FSTL4: variants seen among roughly 807,000 people sequenced by gnomAD.
FSTL4 encodes the protein follistatin like 4.
Under a neutral mutation model 78.2 loss-of-function variants are expected in FSTL4, and 28 were observed. The observed-to-expected ratio is 0.36, with a 90% CI of 0.27 to 0.49. FSTL4 has a LOEUF of 0.49. Ranked by LOEUF, FSTL4 falls within the 20% of genes least tolerant of loss-of-function variation. The pLI, the probability that FSTL4 is intolerant of heterozygous loss-of-function variation, is 0.98. For synonymous variants in FSTL4, 422 were observed against 440.5 expected (o/e 0.96, Z 0.53); for missense variants, 922 against 1,084.9 (o/e 0.85, Z 2.11).
At chr5:133,776,015 CCAGTAGCT>C in the FSTL4 span, among the ~76,000 whole-genome samples, 14 of 152,196 alleles carry the variant, frequency 9.2e-5, no homozygotes, top group Admixed American at 6.5e-4. Context: ...CCAATAAGAC[CCAGTAGCT>C]GATGAGACTC....
the FSTL4 span, among the ~76,000 whole-genome samples, chr5:133,752,539 G>A: frequency 9.9e-5 from 15 of 152,162 alleles, no homozygotes; most frequent in Non-Finnish European, 1.8e-4. Context: ...GAACCCGGGA[G>A]GCAGAGGTTG....
intron 3 of FSTL4, among the ~76,000 whole-genome samples, chr5:133,498,334 A>C (rs1758414977): frequency 6.6e-6 from 1 of 152,222 alleles, no homozygotes. Flanking sequence ...GAATTGCAAC[A>C]CAGAGGTGGA....
At chr5:133,523,140 C>T (rs1759018724) in intron 3 of FSTL4, among the ~76,000 whole-genome samples, 2 of 152,120 alleles carry the variant, frequency 1.3e-5, no homozygotes, top group African/African-American at 4.8e-5. Context: ...AGAAGAGACG[C>T]CAGCCGTCTC....
At chr5:133,379,473 A>G (rs145285107) in intron 4 of FSTL4, among the ~76,000 whole-genome samples, 15 of 152,240 alleles carry the variant, frequency 9.9e-5, no homozygotes, top group African/African-American at 3.1e-4. Flanking sequence ...TACATAGAAC[A>G]TTTTCCAGGA....
chr5:133,303,104 C>T (rs1753584502), intron 6 of FSTL4, among the ~76,000 whole-genome samples: 1 of 152,178 alleles, frequency 6.6e-6, no homozygotes, highest in South Asian at 2.1e-4. Context: ...ACTGTATAGC[C>T]CTGCTGCCGT....
intron 3 of FSTL4, among the ~76,000 whole-genome samples, chr5:133,410,173 C>T (rs1002783207): frequency 6.6e-6 from 1 of 152,188 alleles, no homozygotes; most frequent in Admixed American, 6.5e-5. Context: ...CGATTTCTGC[C>T]CTTGGGAGAG....
intron 4 of FSTL4, among the ~76,000 whole-genome samples, chr5:133,320,948 A>G (rs1235790990): frequency 6.8e-6 from 1 of 146,520 alleles, no homozygotes; most frequent in African/African-American, 2.5e-5. Context: ...CACAGCTTGC[A>G]GTGAGCCGAG....
At chr5:133,402,869 C>CA (rs1756267521) in intron 3 of FSTL4, among the ~76,000 whole-genome samples, 1 of 152,214 alleles carries the variant, frequency 6.6e-6, no homozygotes, top group African/African-American at 2.4e-5. Context: ...CGCATGTCAC[C>CA]ATGAAGGCCC....
intron 4 of FSTL4, among the ~76,000 whole-genome samples, chr5:133,394,707 C>T (rs930949119): frequency 4.6e-5 from 7 of 152,378 alleles, no homozygotes; most frequent in South Asian, 2.1e-4. Flanking sequence ...CACCAGGTCC[C>T]ATTGACCGCC....
At chr5:133,434,684 T>C (rs1475087291) in intron 3 of FSTL4, among the ~76,000 whole-genome samples, 1 of 152,182 alleles carries the variant, frequency 6.6e-6, no homozygotes, top group Non-Finnish European at 1.5e-5. Flanking sequence ...AATAAATAAG[T>C]ACTGCCAAAT....
chr5:133,663,824 T>C, the FSTL4 span, among the ~76,000 whole-genome samples: 2 of 152,160 alleles, frequency 1.3e-5, no homozygotes, highest in African/African-American at 4.8e-5. Context: ...ACCAGGGCCT[T>C]TGACAACTTG....
the FSTL4 span, among the ~76,000 whole-genome samples, chr5:133,814,461 T>C: frequency 6.6e-6 from 1 of 151,894 alleles, no homozygotes; most frequent in East Asian, 1.9e-4. Context: ...CAGCAGAGAG[T>C]GACACCACCC....
chr5:133,199,155 C>T lies in FSTL4; in HGVS notation c.2469G>A (p.Leu823=). Reference sequence around the variant, plus strand: ...CCTTTATACCTGACACCTCACACCGCAGCGTGTTTTGTCTCCCATTGATGA... The same window carrying T: ...CCTTTATACCTGACACCTCACACCGTAGCGTGTTTTGTCTCCCATTGATGA... ...LFLINGRQNT[L]RCEVSGIKGG... The change falls in exon 16 of 16, where the codon CTG becomes CTA. Residue 823 remains leucine (L), a synonymous_variant. Transcript: ENST00000265342. This position sits in a 1 kb window ranked among gnomAD's most constrained non-coding sequence, Gnocchi z 4.4. 6.2e-7 allele frequency: 1 copy of T among 1,603,028 alleles called. No homozygotes were observed. The highest frequency in any genetic ancestry group is 8.5e-7 in the Non-Finnish European group (1 of 1,172,580).
intron 3 of FSTL4, among the ~76,000 whole-genome samples, chr5:133,536,374 T>A (rs1427172206): frequency 6.6e-6 from 1 of 152,188 alleles, no homozygotes; most frequent in Non-Finnish European, 1.5e-5. Context: ...TAACAGCATA[T>A]TGTGAACAAC....
the FSTL4 span, among the ~76,000 whole-genome samples, chr5:133,815,602 C>T: frequency 1.3e-5 from 2 of 152,162 alleles, no homozygotes; most frequent in Admixed American, 6.5e-5. Flanking sequence ...TCAGAATTAC[C>T]TGGGGGAATC....
intron 6 of FSTL4, among the ~76,000 whole-genome samples, chr5:133,262,092 G>T (rs938519263): frequency 6.6e-6 from 1 of 151,710 alleles, no homozygotes; most frequent in Non-Finnish European, 1.5e-5. Context: ...GTTAAGTCTC[G>T]CACCCCCTAT....
At chr5:133,791,597 C>A in the FSTL4 span, among the ~76,000 whole-genome samples, 1 of 152,190 alleles carries the variant, frequency 6.6e-6, no homozygotes, top group African/African-American at 2.4e-5. Flanking sequence ...TCTTCCAAGC[C>A]CATCAGGGCT....
At chr5:133,490,650 CA>C (rs1254920679) in intron 3 of FSTL4, among the ~76,000 whole-genome samples, 1 of 152,148 alleles carries the variant, frequency 6.6e-6, no homozygotes, top group African/African-American at 2.4e-5. Flanking sequence ...TGAGTTATTT[CA>C]AAATATGTTT....
intron 3 of FSTL4, among the ~76,000 whole-genome samples, chr5:133,562,339 C>T (rs1477832448): frequency 6.6e-6 from 1 of 152,152 alleles, no homozygotes; most frequent in African/African-American, 2.4e-5. Context: ...TAATGGTAAA[C>T]AGAATGCAGT....
Sources: gnomAD v4.1 joint callset for allele counts (sites outside exome capture counted in the v4.1 genomes callset) on GRCh38, gnomAD v4.1.1 for gene constraint, Gnocchi (gnomAD v3.1) non-coding constraint, MANE v1.5 for transcripts, NCBI Gene and HGNC (gene_info 2026-07-23, HGNC 2026-07-21) for gene names.